HRH4: variants seen among roughly 807,000 people sequenced by gnomAD.
HRH4 encodes the protein histamine H4 receptor.
HRH4 carries 12 observed loss-of-function variants against 10.4 expected under a neutral mutation model. That is an observed-to-expected ratio of 1.15 (90% CI 0.74 to 1.87). The LOEUF (loss-of-function observed/expected upper bound fraction) is 1.87. Ranked by LOEUF, HRH4 falls within the 40% of genes most tolerant of loss-of-function variation. The probability of loss-of-function intolerance (pLI) is 0.00; values close to 1 mark genes in which losing one functional copy is unlikely to be tolerated. For missense variants in HRH4, 415 were observed against 453.3 expected, an observed-to-expected ratio of 0.92 and a Z score of 0.77; for synonymous variants, 154 against 166.6, an observed-to-expected ratio of 0.92 and a Z score of 0.58.
intron 2 of HRH4, among the ~76,000 whole-genome samples, chr18:24,473,631 C>A (rs776578585): frequency 1.3e-5 from 2 of 152,104 alleles, no homozygotes; most frequent in Non-Finnish European, 2.9e-5. Context: ...TCAGTATGAC[C>A]TCATCTTAAC....
rs1465747703 is a variant in HRH4, at chr18:24,477,160, T to C, written c.771T>C (p.Ser257=). Residue 257 remains serine, a synonymous_variant, in exon 3 of 3, where the codon AGT becomes AGC. Transcript: ENST00000256906. ...SFHSERQRRK[S]SLMFSSRTKM... is the part of the protein sequence containing the mutation. ...ATTCAGAGAGACAGAGGAGAAAGAG[T>C]AGTCTCATGTTTTCCTCAAGAACCA... 2 of 1,613,894 alleles carry C rather than the reference T, an allele frequency of 1.2e-6. No homozygotes were observed. The highest frequency in any genetic ancestry group is 1.3e-5 in the African/African-American group (1 of 74,874).
At chr18:24,462,320 G>C (rs1909666009) in intron 1 of HRH4, among the ~76,000 whole-genome samples, 1 of 152,114 alleles carries the variant, frequency 6.6e-6, no homozygotes, top group South Asian at 2.1e-4. Context: ...AGGCCTTGTG[G>C]AGATTTAAAG....
rs566615293 is a variant in HRH4 at position 24,477,710 on chromosome 18, A to G, written c.*148A>G. 1 of 544,976 alleles carries G rather than the reference A, an allele frequency of 1.8e-6. No homozygotes were observed. Among genetic ancestry groups the G allele is most frequent in the East Asian group, 2.8e-5 (1 of 35,268 alleles). The allele number at this position is 544,976 out of a possible 1,614,324, so 33.8% of individuals were successfully genotyped here. ...CTCCAGTGAATAATAGCAGTATAAT[A>G]TGACTTGATAATATTTTTGTAAACT... On this transcript the variant is annotated 3_prime_UTR_variant, in exon 3 of 3. Transcript: ENST00000256906.
chr18:24,465,689 A>G (rs887550770), intron 1 of HRH4, among the ~76,000 whole-genome samples: 1 of 152,152 alleles, frequency 6.6e-6, no homozygotes, highest in Non-Finnish European at 1.5e-5. Context: ...CTGTTGCTCA[A>G]CAAGACAGAG....
chr18:24,466,699 C>CTTTCCT (rs1261749647), intron 1 of HRH4, among the ~76,000 whole-genome samples: 3 of 152,136 alleles, frequency 2.0e-5, no homozygotes, highest in Non-Finnish European at 4.4e-5. Flanking sequence ...TTCCTTCTTC[C>CTTTCCT]TTTCCTTTTC....
At chr18:24,468,721 T>C (rs1909846009) in intron 1 of HRH4, 67 bp from the exon 2 acceptor site, 1 of 1,397,528 alleles carries the variant, frequency 7.2e-7, no homozygotes, top group Non-Finnish European at 9.8e-7. Context: ...TGTGTAGCCA[T>C]TAAAACATGC....
chr18:24,469,036 A>G (rs1219354720), intron 2 of HRH4, 85 bp downstream of exon 2: 4 of 1,070,940 alleles, frequency 3.7e-6, no homozygotes, highest in Non-Finnish European at 4.0e-6. Context: ...TTTTAAGCCT[A>G]ATTGTTAATT....
At chr18:24,462,113 G>C (rs561316716) in intron 1 of HRH4, among the ~76,000 whole-genome samples, 23 of 152,314 alleles carry the variant, frequency 1.5e-4, no homozygotes, top group African/African-American at 5.5e-4. Flanking sequence ...GTCAGAGATA[G>C]GGCGAAGGAT....
rs960778299 is a variant in HRH4 at position 24,479,190 on chromosome 18, T to C, written c.*1628T>C. ...GGTATTGCCGTGTTGGCCAGACTGG[T>C]CTCAAACTCCTGGGCTGAAACAATC... On this transcript the variant is annotated 3_prime_UTR_variant, in exon 3 of 3. Transcript: ENST00000256906. 1.3e-5 allele frequency: 2 copies of C among 151,812 alleles called. No homozygotes were observed. The highest frequency in any genetic ancestry group is 6.6e-5 in the Admixed American group (1 of 15,246). 9.4% of individuals were successfully genotyped at this position (151,812 alleles called of 1,614,324 possible).
chr18:24,463,563 G>A (rs1909695186), intron 1 of HRH4, among the ~76,000 whole-genome samples: 1 of 152,236 alleles, frequency 6.6e-6, no homozygotes, highest in Non-Finnish European at 1.5e-5. Flanking sequence ...GTTTTCTGCA[G>A]CTGTTAGCCA....
intron 1 of HRH4, among the ~76,000 whole-genome samples, chr18:24,466,203 C>T (rs985946796): frequency 1.3e-5 from 2 of 151,698 alleles, no homozygotes; most frequent in Non-Finnish European, 2.9e-5. Flanking sequence ...GCCTTGACCT[C>T]CCTGGCTCAA....
intron 1 of HRH4, among the ~76,000 whole-genome samples, chr18:24,462,772 T>A (rs1435889662): frequency 6.6e-6 from 1 of 152,196 alleles, no homozygotes; most frequent in Non-Finnish European, 1.5e-5. Context: ...TGTCTCCACA[T>A]TTGTTTCCTC....
At chr18:24,466,332 A>G (rs2144369032) in intron 1 of HRH4, among the ~76,000 whole-genome samples, 1 of 135,192 alleles carries the variant, frequency 7.4e-6, no homozygotes, top group South Asian at 2.3e-4. Flanking sequence ...CATGTTGCCC[A>G]GGCTGGTCTC....
At chr18:24,473,697 A>C (rs1910046286) in intron 2 of HRH4, among the ~76,000 whole-genome samples, 1 of 152,168 alleles carries the variant, frequency 6.6e-6, no homozygotes, top group South Asian at 2.1e-4. Context: ...ACAGGTACTG[A>C]GGGGTTTAGG....
intron 1 of HRH4, among the ~76,000 whole-genome samples, chr18:24,464,368 C>T (rs1909720959): frequency 1.3e-5 from 2 of 152,268 alleles, no homozygotes; most frequent in African/African-American, 4.8e-5. Context: ...CTCTTATAAG[C>T]ACACTATTGG....
chr18:24,466,322 C>T (rs1909775189), intron 1 of HRH4, among the ~76,000 whole-genome samples: 3 of 131,300 alleles, frequency 2.3e-5, no homozygotes, highest in Non-Finnish European at 3.2e-5. Context: ...AGGGTTTTGC[C>T]ATGTTGCCCA....
At chr18:24,469,862 G>A (rs190250561) in intron 2 of HRH4, among the ~76,000 whole-genome samples, 15 of 152,208 alleles carry the variant, frequency 9.9e-5, no homozygotes, top group Admixed American at 3.3e-4. Flanking sequence ...TTTGTCACCC[G>A]GGGAATGAGC....
intron 2 of HRH4, among the ~76,000 whole-genome samples, chr18:24,473,614 C>T (rs992799914): frequency 1.1e-4 from 16 of 152,088 alleles, no homozygotes; most frequent in African/African-American, 3.6e-4. Flanking sequence ...ATAGGGTGAC[C>T]CCTAATTCAG....
Position 24,460,840 on chromosome 18 carries a change from T to G in HRH4, c.112T>G (p.Leu38Val). 2.5e-6 allele frequency: 4 copies of G among 1,591,766 alleles called. No homozygotes were observed. The highest frequency in any genetic ancestry group is 3.4e-6 in the Non-Finnish European group (4 of 1,164,356). Reference protein sequence around the residue: ...AIMLGNALVILAFVVDKNLRH... With the variant: ...AIMLGNALVIVAFVVDKNLRH... ...AATGCTAGGAAATGCTTTGGTCATT[T>G]TAGCTTTTGTGGTGGACAAAAACCT... is the stretch of plus-strand genomic sequence containing the variant. Residue 38 changes from leucine (L) to valine (V), a missense_variant, in exon 1 of 3, where the codon TTA becomes GTA. Transcript: ENST00000256906.
Sources: gnomAD v4.1 joint callset for allele counts (sites outside exome capture counted in the v4.1 genomes callset) on GRCh38, gnomAD v4.1.1 for gene constraint, MANE v1.5 for transcripts, NCBI Gene and HGNC (gene_info 2026-07-23, HGNC 2026-07-21) for gene names.